LINGO2: variants seen among roughly 807,000 people sequenced by gnomAD.
The protein encoded by LINGO2 is leucine-rich repeat and immunoglobulin-like domain-containing nogo receptor-interacting protein 2.
LINGO2 carries 14 observed loss-of-function variants against 30.6 expected under a neutral mutation model. The observed-to-expected ratio is 0.46, with a 90% CI of 0.30 to 0.72. LINGO2 has a LOEUF of 0.72. LINGO2 is among the 30% of genes least tolerant of loss of function. The probability of loss-of-function intolerance (pLI) is 0.07; values close to 1 mark genes in which losing one functional copy is unlikely to be tolerated. For synonymous variants in LINGO2, 317 were observed against 288.5 expected (o/e 1.10, Z -1.00); for missense variants, 729 against 751.7 (o/e 0.97, Z 0.35).
chr9:28,830,297 G>C, the LINGO2 span, among the ~76,000 whole-genome samples: 1 of 152,122 alleles, frequency 6.6e-6, no homozygotes, highest in Non-Finnish European at 1.5e-5. Context: ...CAGTCATATG[G>C]AACTACAGCC....
the LINGO2 span, among the ~76,000 whole-genome samples, chr9:29,068,227 A>G: frequency 1.3e-5 from 2 of 151,806 alleles, no homozygotes; most frequent in Non-Finnish European, 3.0e-5. Context: ...ATTAACACTA[A>G]ATAAATTAAG....
chr9:28,728,721 A>G, the LINGO2 span, among the ~76,000 whole-genome samples: 6 of 152,088 alleles, frequency 3.9e-5, no homozygotes, highest in Admixed American at 3.9e-4. Context: ...CCTCATAAGG[A>G]ATGGGGCAAA....
intron 1 of LINGO2, among the ~76,000 whole-genome samples, chr9:28,586,986 C>A (rs1205822522): frequency 6.6e-6 from 1 of 152,024 alleles, no homozygotes; most frequent in African/African-American, 2.4e-5. Flanking sequence ...TAACCTGTTT[C>A]TTCTCTAACT....
At chr9:28,989,399 A>G in the LINGO2 span, among the ~76,000 whole-genome samples, 1 of 152,256 alleles carries the variant, frequency 6.6e-6, no homozygotes, top group African/African-American at 2.4e-5. Context: ...CAGAATTTAA[A>G]ATCTGTTTAC....
intron 2 of LINGO2, among the ~76,000 whole-genome samples, chr9:28,403,663 T>C (rs1052420491): frequency 1.9e-4 from 29 of 152,146 alleles, no homozygotes; most frequent in Admixed American, 1.2e-3. Flanking sequence ...CCTTTTTTTT[T>C]TTTTTTCAAA....
chr9:28,829,649 A>G, the LINGO2 span, among the ~76,000 whole-genome samples: 1 of 152,128 alleles, frequency 6.6e-6, no homozygotes, highest in South Asian at 2.1e-4. Context: ...GCACTTTGGG[A>G]GGCCGAGGTG....
At chr9:28,415,487 C>G (rs1822930038) in intron 2 of LINGO2, among the ~76,000 whole-genome samples, 1 of 152,206 alleles carries the variant, frequency 6.6e-6, no homozygotes, top group Non-Finnish European at 1.5e-5. Context: ...AATGGCCCTT[C>G]TAACTGCTAC....
chr9:28,170,265 C>CAAGT (rs1456256205), intron 4 of LINGO2, among the ~76,000 whole-genome samples: 1 of 152,056 alleles, frequency 6.6e-6, no homozygotes, highest in Admixed American at 6.5e-5. Flanking sequence ...GACATTGTTC[C>CAAGT]AAGTAGCCTT....
rs79255529 is a variant in LINGO2 at position 28,007,370 on chromosome 9, C to T, written c.-36+4985G>A. 6.5e-4 allele frequency among the ~76,000 whole-genome samples: 99 copies of T among 152,060 alleles called. No homozygotes were observed. In the East Asian group the frequency reaches 0.011, roughly 17 times the overall value. On this transcript the variant is annotated intron_variant, in intron 5 of 5. Transcript: ENST00000379992. Reference sequence around the variant, plus strand: ...AGGGCAGGAAAGACAAAAAGCGCTACGCATGATGAAAACTGAGTAACAGTC... The same window carrying T: ...AGGGCAGGAAAGACAAAAAGCGCTATGCATGATGAAAACTGAGTAACAGTC...
chr9:28,663,056 T>C (rs1828641136), intron 1 of LINGO2, among the ~76,000 whole-genome samples: 1 of 152,084 alleles, frequency 6.6e-6, no homozygotes, highest in Non-Finnish European at 1.5e-5. Context: ...GAAATAAATA[T>C]AGATTAGGAA....
At chr9:29,106,997 A>G in the LINGO2 span, among the ~76,000 whole-genome samples, 1 of 152,178 alleles carries the variant, frequency 6.6e-6, no homozygotes, top group Non-Finnish European at 1.5e-5. Flanking sequence ...GAACTAGCCA[A>G]TGCTTTGTAC....
At chr9:27,991,903 G>A (rs1281349592) in intron 5 of LINGO2, among the ~76,000 whole-genome samples, 3 of 152,000 alleles carry the variant, frequency 2.0e-5, no homozygotes, top group Non-Finnish European at 4.4e-5. Flanking sequence ...TTTAAAAAAT[G>A]TGCATTTGAT....
chr9:27,955,762 T>C (rs1819531192), intron 5 of LINGO2, among the ~76,000 whole-genome samples: 1 of 151,894 alleles, frequency 6.6e-6, no homozygotes, highest in Non-Finnish European at 1.5e-5. Context: ...CATACTTATG[T>C]TTTTTCTTAA....
intron 3 of LINGO2, among the ~76,000 whole-genome samples, chr9:28,347,980 T>C (rs894165860): frequency 6.6e-6 from 1 of 152,230 alleles, no homozygotes; most frequent in African/African-American, 2.4e-5. Flanking sequence ...ATGTAAAGAA[T>C]GTCACTTATT....
At chr9:27,939,809 T>G in the LINGO2 span, 1 of 152,188 alleles carries the variant, frequency 6.6e-6, no homozygotes, top group East Asian at 1.9e-4. Context: ...TGCTTGGAAA[T>G]AATATGAATA....
intron 1 of LINGO2, among the ~76,000 whole-genome samples, chr9:28,570,270 C>G (rs1265831217): frequency 6.6e-6 from 1 of 151,846 alleles, no homozygotes; most frequent in Non-Finnish European, 1.5e-5. Context: ...ATAATTTCTA[C>G]CACGTCACGG....
chr9:28,032,193 TAATTC>T (rs1246814506), intron 4 of LINGO2, among the ~76,000 whole-genome samples: 3 of 151,346 alleles, frequency 2.0e-5, no homozygotes, highest in Non-Finnish European at 4.4e-5. Flanking sequence ...ACACAGGATC[TAATTC>T]AAGTCTTAAA....
the LINGO2 span, among the ~76,000 whole-genome samples, chr9:28,828,279 G>A: frequency 1.3e-5 from 2 of 151,444 alleles, no homozygotes; most frequent in Non-Finnish European, 2.9e-5. Flanking sequence ...TTAGAATAAT[G>A]GTTTTAAAAG....
chr9:28,868,158 TAATA>T, the LINGO2 span, among the ~76,000 whole-genome samples: 1 of 152,220 alleles, frequency 6.6e-6, no homozygotes, highest in African/African-American at 2.4e-5. Context: ...TGCTTACACT[TAATA>T]AAGTCTCCTG....
Sources: gnomAD v4.1 joint callset for allele counts (sites outside exome capture counted in the v4.1 genomes callset) on GRCh38, gnomAD v4.1.1 for gene constraint, MANE v1.5 for transcripts, NCBI Gene and HGNC (gene_info 2026-07-23, HGNC 2026-07-21) for gene names.